CELSR2: variants seen among roughly 807,000 people sequenced by gnomAD.
The protein encoded by CELSR2 is cadherin EGF LAG seven-pass G-type receptor 2, also known as EGF-like protein 2.
In CELSR2, 81 loss-of-function variants were observed where a neutral mutation model predicts 251.6. The observed-to-expected ratio is 0.32, with a 90% confidence interval of 0.27 to 0.39. The LOEUF (loss-of-function observed/expected upper bound fraction) is 0.39. Ranked by LOEUF, CELSR2 falls within the 10% of genes least tolerant of loss-of-function variation. CELSR2 has a pLI of 1.00. For synonymous variants in CELSR2, 1,721 were observed against 1,670.5 expected (o/e 1.03, Z -0.74); for missense variants, 3,365 against 3,947.7 (o/e 0.85, Z 3.96).
In CELSR2 at chr1:109,271,460, A is replaced by G. The variant is rs758882995; in HGVS notation, c.7751A>G (p.Asn2584Ser). 1.7e-5 allele frequency: 27 copies of G among 1,613,894 alleles called. No homozygotes were observed. Among genetic ancestry groups the G allele is most frequent in the Admixed American group, 3.3e-5 (2 of 60,006 alleles). ...TGGCTGCTGGCACTGCTCTCTGTCA[A>G]CAGCGACACCCTCCTCTTCCACTAC... ...ATWLLALLSVNSDTLLFHYLF... is the reference protein window; with the variant it reads ...ATWLLALLSVSSDTLLFHYLF... The change falls in exon 27 of 34, where the codon AAC becomes AGC. Residue 2584 changes from asparagine to serine, a missense_variant. Transcript: ENST00000271332.
Position 109,261,698 on chromosome 1 carries a change from G to A in CELSR2, c.4297+70G>A. On this transcript the variant is annotated intron_variant, in intron 4 of 33. Transcript: ENST00000271332. This position sits in a 1 kb window ranked among gnomAD's most constrained non-coding sequence, Gnocchi z 4.8. ...CAAGTCTTCCAGCCCCTGACCCCAA[G>A]CCACATACTCTATCAGCCAAATCTG... 1 of 1,556,170 alleles carries A rather than the reference G, an allele frequency of 6.4e-7. No individual in the cohort carries two copies. Among genetic ancestry groups the A allele is most frequent in the Non-Finnish European group, 8.8e-7 (1 of 1,130,084 alleles).
In CELSR2 at chr1:109,266,112, T is replaced by C. The variant is rs766066699; in HGVS notation, c.5919T>C (p.Tyr1973=). The change falls in exon 15 of 34, where the codon TAT becomes TAC. Residue 1973 remains tyrosine (Y), a synonymous_variant. Transcript: ENST00000271332. ...ATGTGCTCTTCCCCGCAGTGAATTA[T>C]GACAGCTGCCCACGAGCGATTGAGG... is the stretch of plus-strand genomic sequence containing the variant. ...EVTTNGCEVN[Y]DSCPRAIEAG... The C allele has an allele frequency of 1.9e-6, 3 of 1,614,072 alleles. No individual in the cohort carries two copies. In the Admixed American group the frequency reaches 5.0e-5, roughly 27 times the overall value.
rs767205531 is a variant in CELSR2 at position 109,270,997 on chromosome 1, G to A, written c.7554G>A (p.Thr2518=). The A allele has an allele frequency of 6.8e-6, 11 of 1,613,726 alleles. No homozygotes were observed. Among genetic ancestry groups the A allele is most frequent in the South Asian group, 6.6e-5 (6 of 91,068 alleles). The part of the protein sequence containing the change: ...PDFCWLSIYD[T]LIWSFAGPVA... The stretch of plus-strand genomic sequence containing the variant: ...TCTGCTGGCTCTCCATCTATGACAC[G>A]CTCATCTGGAGTTTTGCTGGCCCGG... The change falls in exon 25 of 34, where the codon ACG becomes ACA. Residue 2518 remains threonine (T), a synonymous_variant. Coordinates refer to ENST00000271332, the MANE Select transcript of CELSR2 (RefSeq NM_001408.3).
chr1:109,252,476 C>T lies in CELSR2; in HGVS notation c.2397C>T (p.Thr799=). Residue 799 remains threonine (T), a synonymous_variant, in exon 1 of 34, where the codon ACC becomes ACT. Coordinates refer to ENST00000271332, the MANE Select transcript of CELSR2 (RefSeq NM_001408.3). This position sits in a 1 kb window ranked among gnomAD's most constrained non-coding sequence, Gnocchi z 4.8. Reference sequence around the variant, plus strand: ...GCATTCCCCAGAAGTCCGACACCACCTACCTGGAGATCCTGGTGAACGACG... The same window carrying T: ...GCATTCCCCAGAAGTCCGACACCACTTACCTGGAGATCCTGGTGAACGACG... The part of the protein sequence containing the change: ...DNGIPQKSDT[T]YLEILVNDVN... 2 of 1,613,868 alleles carry T rather than the reference C, an allele frequency of 1.2e-6. No homozygotes were observed. The highest frequency in any genetic ancestry group is 1.7e-6 in the Non-Finnish European group (2 of 1,180,028).
At position 109,262,905 on chromosome 1, in the gene CELSR2, C is replaced by A. The variant is rs934436071; in HGVS notation, c.4644C>A (p.Asn1548Lys). The change falls in exon 7 of 34, where the codon AAC becomes AAA. Residue 1548 changes from asparagine (N) to lysine (K), a missense_variant. Transcript: ENST00000271332. Reference sequence around the variant, plus strand: ...GGCAGTTCGTGGGCTGCATGCGGAACCTGCAGGTGGACAGCCGGCACATAG... The same window carrying A: ...GGCAGTTCGTGGGCTGCATGCGGAAACTGCAGGTGGACAGCCGGCACATAG... ...RMRQFVGCMR[N>K]LQVDSRHIDM... is the part of the protein sequence containing the mutation. The A allele has an allele frequency of 1.2e-6, 2 of 1,613,814 alleles. No individual in the cohort carries two copies. Among genetic ancestry groups the A allele is most frequent in the Admixed American group, 1.7e-5 (1 of 60,030 alleles).
At chr1:109,267,728 T>G (rs1656243944) in intron 16 of CELSR2, 86 bp downstream of exon 16, 1 of 1,558,598 alleles carries the variant, frequency 6.4e-7, no homozygotes, top group Admixed American at 1.8e-5. Flanking sequence ...AGAACGGGGC[T>G]TCTGGAATTC....
At position 109,264,143 on chromosome 1, in the gene CELSR2, G is replaced by A; in HGVS notation, c.5067G>A (p.Leu1689=). The A allele has an allele frequency of 1.2e-6, 2 of 1,607,012 alleles. No individual in the cohort carries two copies. The highest frequency in any genetic ancestry group is 3.3e-5 in the Admixed American group (2 of 59,912). Residue 1689 remains leucine (L), a synonymous_variant, in exon 10 of 34, where the codon CTG becomes CTA. Coordinates refer to ENST00000271332, the MANE Select transcript of CELSR2 (RefSeq NM_001408.3). ...GTGLQASSLR[L]EPGRANDGDW... is the part of the protein sequence containing the mutation. ...GGCTTCAGGCCTCCTCTCTCCGTCTGGAGCCAGGCCGGGCCAATGACGGTG... is the reference window on the plus strand; with the variant it reads ...GGCTTCAGGCCTCCTCTCTCCGTCTAGAGCCAGGCCGGGCCAATGACGGTG...
chr1:109,251,826 C>G lies in CELSR2; in HGVS notation c.1747C>G (p.Arg583Gly), dbSNP rs779652549. 6.2e-7 allele frequency: 1 copy of G among 1,614,046 alleles called. No individual in the cohort carries two copies. Among genetic ancestry groups the G allele is most frequent in the Non-Finnish European group, 8.5e-7 (1 of 1,180,012 alleles). ...TTTCTACAGCTTTGGGGTAGAAGCT[C>G]GAGACCATGGCACTCCAGCACTCAC... is the stretch of plus-strand genomic sequence containing the variant. Reference protein sequence around the residue: ...VDFYSFGVEARDHGTPALTAS... With the variant: ...VDFYSFGVEAGDHGTPALTAS... Residue 583 changes from arginine to glycine, a missense_variant, in exon 1 of 34, where the codon CGA becomes GGA. Physicochemically the swap from Arg to Gly is moderately radical, Grantham distance 125 (BLOSUM62 -2). Coordinates refer to ENST00000271332, the MANE Select transcript of CELSR2 (RefSeq NM_001408.3). The surrounding 1 kb of genome is among the most constrained non-coding windows in gnomAD (Gnocchi z 4.9).
rs774683898 is a variant in CELSR2 at position 109,270,990 on chromosome 1, A to G, written c.7547A>G (p.Tyr2516Cys). Residue 2516 changes from tyrosine (Y) to cysteine (C), a missense_variant, in exon 25 of 34, where the codon TAT (tyrosine) becomes TGT (cysteine). Tyr to Cys is a radical substitution (Grantham distance 194). Transcript: ENST00000271332. ...GNPDFCWLSI[Y>C]DTLIWSFAGP... ...CCTGACTTCTGCTGGCTCTCCATCTATGACACGCTCATCTGGAGTTTTGCT... is the reference window on the plus strand; with the variant it reads ...CCTGACTTCTGCTGGCTCTCCATCTGTGACACGCTCATCTGGAGTTTTGCT... The G allele has an allele frequency of 5.6e-6, 9 of 1,612,256 alleles. No homozygotes were observed. Among genetic ancestry groups the G allele is most frequent in the Admixed American group, 1.7e-5 (1 of 59,776 alleles).
intron 1 of CELSR2, among the ~76,000 whole-genome samples, chr1:109,256,497 C>T (rs1655851414): frequency 6.6e-6 from 1 of 152,204 alleles, no homozygotes; most frequent in Non-Finnish European, 1.5e-5. Context: ...CAGTCAGCCA[C>T]CGCAAGTAGG....
chr1:109,263,552 C>G (rs1356444790), intron 8 of CELSR2, 59 bp from the exon 9 acceptor site: 1 of 1,585,290 alleles, frequency 6.3e-7, no homozygotes, highest in African/African-American at 1.3e-5. Context: ...CTGAGCATCA[C>G]AGCCCCAGGG....
chr1:109,273,554 A>T lies in CELSR2; in HGVS notation c.8628A>T (p.Gly2876=), dbSNP rs441853. 73 of 1,572,646 alleles carry T rather than the reference A, an allele frequency of 4.6e-5. No homozygotes were observed. Among genetic ancestry groups the T allele is most frequent in the Non-Finnish European group, 6.0e-5 (69 of 1,159,530 alleles). Residue 2876 remains glycine, a synonymous_variant, in exon 33 of 34, where the codon GGA becomes GGT. Coordinates refer to ENST00000271332, the MANE Select transcript of CELSR2 (RefSeq NM_001408.3). ...CCTCCGCTAGTGAGGGCAGCCGGGG[A>T]GGCCCCCCTCCCCGCCCACCGCCCC... The part of the protein sequence containing the change: ...RGSSASEGSR[G]GPPPRPPPRQ...
At position 109,261,888 on chromosome 1, in the gene CELSR2, T is replaced by G. The variant is rs897524612; in HGVS notation, c.4378T>G (p.Tyr1460Asp). ...GTGGCATACGGTGCAGCTGAAATAC[T>G]ACAATAAGGTGGGTGTGGAGGGCAC... ...GQWHTVQLKY[Y>D]NKPLLGQTGL... The change falls in exon 5 of 34, where the codon TAC becomes GAC. Residue 1460 changes from tyrosine (Y) to aspartate (D), a missense_variant. Around this residue, in one of 5 missense-constraint regions of CELSR2, gnomAD observed 2,093 missense variants for 2,382.8 expected, o/e 0.88. Coordinates refer to ENST00000271332, the MANE Select transcript of CELSR2 (RefSeq NM_001408.3). This position sits in a 1 kb window ranked among gnomAD's most constrained non-coding sequence, Gnocchi z 4.8. 5.1e-6 allele frequency: 8 copies of G among 1,578,480 alleles called. No individual in the cohort carries two copies. In the African/African-American group the frequency reaches 9.5e-5, roughly 19 times the overall value.
chr1:109,272,596 C>T (rs1166725854), intron 29 of CELSR2, 44 bp from the exon 30 acceptor site: 1 of 1,568,782 alleles, frequency 6.4e-7, no homozygotes, highest in East Asian at 2.2e-5. Flanking sequence ...GGACCCTGGG[C>T]AAGGGGCCAG....
intron 9 of CELSR2, 97 bp downstream of exon 9, chr1:109,263,874 G>A (rs1656106993): frequency 6.7e-7 from 1 of 1,484,280 alleles, no homozygotes; most frequent in Non-Finnish European, 9.0e-7. Context: ...CCTGGGCAGG[G>A]GTGGGGACAT....
rs369692752 is a variant in CELSR2 at position 109,264,165 on chromosome 1, G to A, written c.5089G>A (p.Gly1697Ser). ...LRLEPGRAND[G>S]DWHHAQLALG... is the part of the protein sequence containing the mutation. ...TCTGGAGCCAGGCCGGGCCAATGAC[G>A]GTGACTGGCACCATGCACAGCTGGC... The change falls in exon 10 of 34, where the codon GGT becomes AGT. Residue 1697 changes from glycine (G) to serine (S), a missense_variant. Gly to Ser is a moderately conservative substitution (Grantham distance 56, BLOSUM62 0). Coordinates refer to ENST00000271332, the MANE Select transcript of CELSR2 (RefSeq NM_001408.3). 8.7e-6 allele frequency: 14 copies of A among 1,611,340 alleles called. No individual in the cohort carries two copies. The highest frequency in any genetic ancestry group is 5.5e-5 in the South Asian group (5 of 91,066).
Position 109,252,463 on chromosome 1 carries a change from A to T in CELSR2, c.2384A>T (p.Lys795Met). Residue 795 changes from lysine (K) to methionine (M), a missense_variant, in exon 1 of 34, where the codon AAG becomes ATG. Transcript: ENST00000271332. This position sits in a 1 kb window ranked among gnomAD's most constrained non-coding sequence, Gnocchi z 4.8. Reference protein sequence around the residue: ...ITARDNGIPQKSDTTYLEILV... With the variant: ...ITARDNGIPQMSDTTYLEILV... ...GCTCGGGACAATGGCATTCCCCAGAAGTCCGACACCACCTACCTGGAGATC... is the reference window on the plus strand; with the variant it reads ...GCTCGGGACAATGGCATTCCCCAGATGTCCGACACCACCTACCTGGAGATC... The T allele has an allele frequency of 6.2e-7, 1 of 1,613,856 alleles. No individual in the cohort carries two copies. The highest frequency in any genetic ancestry group is 8.5e-7 in the Non-Finnish European group (1 of 1,180,046).
At chr1:109,267,741 GCCTGTGTGTTC>G in intron 16 of CELSR2, 99 bp downstream of exon 16, 11 of 1,558,712 alleles carry the variant, frequency 7.1e-6, no homozygotes, top group Non-Finnish European at 8.7e-6. Context: ...TGGAATTCCA[GCCTGTGTGTTC>G]CTGGGCTCCC....
At chr1:109,273,890 CAG>C in intron 33 of CELSR2, 130 bp from the exon 34 acceptor site, 1 of 1,305,292 alleles carries the variant, frequency 7.7e-7, no homozygotes, top group Non-Finnish European at 1.1e-6. Context: ...CAGCCTAGGG[CAG>C]AGTGCGGGAG....
Sources: gnomAD v4.1 joint callset for allele counts (sites outside exome capture counted in the v4.1 genomes callset) on GRCh38, gnomAD v4.1.1 for gene constraint, gnomAD v4.1.1 regional missense constraint, Gnocchi (gnomAD v3.1) non-coding constraint, MANE v1.5 for transcripts, NCBI Gene and HGNC (gene_info 2026-07-23, HGNC 2026-07-21) for gene names.